The following CAST variants were observed in gnomAD, a reference collection of about 807,000 sequenced individuals.
CAST encodes calpastatin.
In CAST, 76 loss-of-function variants were observed where a neutral mutation model predicts 119.6. The observed-to-expected ratio is 0.64, with a 90% CI of 0.53 to 0.77. The LOEUF (loss-of-function observed/expected upper bound fraction) is 0.77. CAST is among the 30% of genes least tolerant of loss of function. CAST has a pLI of 0.00. For synonymous variants in CAST, 319 were observed against 331.6 expected (o/e 0.96, Z 0.41); for missense variants, 953 against 946.5 (o/e 1.01, Z -0.09).
At chr5:95,967,393 G>A in the CAST span, among the ~76,000 whole-genome samples, 1 of 144,952 alleles carries the variant, frequency 6.9e-6, no homozygotes, top group Non-Finnish European at 1.5e-5. Context: ...TTCCAGCCCA[G>A]ACAATGTAGT....
the CAST span, among the ~76,000 whole-genome samples, chr5:96,343,217 C>G: frequency 1.6e-4 from 25 of 151,816 alleles, no homozygotes; most frequent in Admixed American, 1.6e-3. Flanking sequence ...TTAGGGGGTA[C>G]ACAAGATAAA....
the CAST span, among the ~76,000 whole-genome samples, chr5:96,107,363 A>T: frequency 6.6e-6 from 1 of 152,006 alleles, no homozygotes; most frequent in Non-Finnish European, 1.5e-5. Flanking sequence ...GGCTGGTGCC[A>T]GTTGTTCCTT....
At chr5:96,432,117 C>T in the CAST span, 1 of 1,535,732 alleles carries the variant, frequency 6.5e-7, no homozygotes, top group Non-Finnish European at 8.7e-7. Context: ...AGATCCCTTC[C>T]CCATAGTCAG....
chr5:96,292,581 A>G, the CAST span, among the ~76,000 whole-genome samples: 1 of 152,224 alleles, frequency 6.6e-6, no homozygotes, highest in African/African-American at 2.4e-5. Flanking sequence ...TTCACCTACT[A>G]AATAATGGGT....
the CAST span, among the ~76,000 whole-genome samples, chr5:96,337,491 C>T: frequency 6.6e-6 from 1 of 152,104 alleles, no homozygotes; most frequent in Non-Finnish European, 1.5e-5. Context: ...CATTTATGTC[C>T]GTAGTAACAC....
chr5:96,214,372 T>C, the CAST span, among the ~76,000 whole-genome samples: 401 of 152,272 alleles, frequency 2.6e-3, 2 homozygotes, highest in Non-Finnish European at 4.6e-3. Context: ...GAAAAGGCAA[T>C]ATTTTAAGTC....
At chr5:95,991,456 T>G in the CAST span, among the ~76,000 whole-genome samples, 1 of 151,594 alleles carries the variant, frequency 6.6e-6, no homozygotes, top group Non-Finnish European at 1.5e-5. Flanking sequence ...AAATACATTC[T>G]AATGTTCAGA....
chr5:96,544,395 C>T (rs1331181043), intron 1 of CAST, among the ~76,000 whole-genome samples: 1 of 152,026 alleles, frequency 6.6e-6, no homozygotes, highest in Admixed American at 6.6e-5. Flanking sequence ...GTATATTAAC[C>T]TCGATTCCAG....
At chr5:95,962,072 A>C in the CAST span, 1 of 393,268 alleles carries the variant, frequency 2.5e-6, no homozygotes, top group Non-Finnish European at 4.5e-6. Context: ...CGCCAACTTA[A>C]TCATGTCTGA....
At chr5:96,283,973 A>G in the CAST span, among the ~76,000 whole-genome samples, 2 of 152,116 alleles carry the variant, frequency 1.3e-5, no homozygotes, top group Admixed American at 1.3e-4. Context: ...AGGAGTCTCA[A>G]TGCTCTTACC....
At chr5:96,113,862 G>C in the CAST span, among the ~76,000 whole-genome samples, 2,045 of 152,298 alleles carry the variant, frequency 0.013, 37 homozygotes, top group South Asian at 0.078. Context: ...GTTTCGTTAT[G>C]TTATTTAAAA....
the CAST span, among the ~76,000 whole-genome samples, chr5:96,232,741 A>G: frequency 4.6e-5 from 7 of 152,138 alleles, no homozygotes; most frequent in East Asian, 1.9e-4. Flanking sequence ...TTCTTCATGC[A>G]TGAAATTACA....
intron 1 of CAST, among the ~76,000 whole-genome samples, chr5:96,615,138 T>A (rs1046237523): frequency 2.6e-5 from 4 of 152,244 alleles, no homozygotes; most frequent in Non-Finnish European, 5.9e-5. Flanking sequence ...TTCAGCACTT[T>A]ATTATAAAAC....
At chr5:96,374,718 A>T in the CAST span, among the ~76,000 whole-genome samples, 1 of 152,348 alleles carries the variant, frequency 6.6e-6, no homozygotes. Flanking sequence ...CAAGTGACCT[A>T]GTTTTCCTCA....
the CAST span, among the ~76,000 whole-genome samples, chr5:96,396,349 T>G: frequency 6.6e-6 from 1 of 152,068 alleles, no homozygotes; most frequent in Non-Finnish European, 1.5e-5. Context: ...TCACCTGAGG[T>G]AAGGAGCTCG....
At chr5:96,240,590 C>T in the CAST span, among the ~76,000 whole-genome samples, 1 of 151,904 alleles carries the variant, frequency 6.6e-6, no homozygotes, top group Non-Finnish European at 1.5e-5. Flanking sequence ...TAGAGATAGG[C>T]TCTTGATCTG....
At chr5:96,090,637 T>C in the CAST span, among the ~76,000 whole-genome samples, 1 of 22,324 alleles carries the variant, frequency 4.5e-5, no homozygotes. Flanking sequence ...CTTTTTTATG[T>C]TTTGTTTTTA....
intron 1 of CAST, among the ~76,000 whole-genome samples, chr5:96,574,946 A>G (rs569086479): frequency 9.9e-5 from 15 of 152,264 alleles, no homozygotes; most frequent in East Asian, 7.7e-4. Flanking sequence ...TGGTTTGTAT[A>G]TTTAATTAAT....
chr5:96,121,847 T>A, the CAST span, among the ~76,000 whole-genome samples: 1 of 152,148 alleles, frequency 6.6e-6, no homozygotes, highest in Non-Finnish European at 1.5e-5. Flanking sequence ...CCCTCTCTCC[T>A]TTTCTCCACC....
Sources: allele counts gnomAD v4.1 joint callset (sites outside exome capture counted in the v4.1 genomes callset), GRCh38; gene constraint gnomAD v4.1.1; transcripts MANE v1.5; gene names NCBI Gene and HGNC (gene_info 2026-07-23, HGNC 2026-07-21).